The following CREB1 variants were observed in gnomAD, a reference collection of about 807,000 sequenced individuals.
The protein encoded by CREB1 is cAMP responsive element binding protein 1.
CREB1 carries 2 observed loss-of-function variants against 42.0 expected under a neutral mutation model. That is an observed-to-expected ratio of 0.05 (90% CI 0.02 to 0.15). The LOEUF (loss-of-function observed/expected upper bound fraction) is 0.15. Among genes scored for constraint, CREB1 ranks in the 10% least tolerant of loss-of-function variants. The probability of loss-of-function intolerance (pLI) is 1.00; values close to 1 mark genes in which losing one functional copy is unlikely to be tolerated. For synonymous variants in CREB1, 123 were observed against 139.9 expected (o/e 0.88, Z 0.85); for missense variants, 199 against 388.9 (o/e 0.51, Z 4.11).
intron 3 of CREB1, chr2:207,561,011 G>A (rs772665320): frequency 2.2e-5 from 21 of 943,172 alleles, no homozygotes; most frequent in African/African-American, 1.5e-4. Context: ...GTAGGGAACC[G>A]AGAGCAGTAT....
chr2:207,546,122 G>A (rs2081293930), intron 1 of CREB1, among the ~76,000 whole-genome samples: 1 of 152,194 alleles, frequency 6.6e-6, no homozygotes, highest in South Asian at 2.1e-4. Flanking sequence ...TATTAACTCT[G>A]ATACTTTACT....
At chr2:207,554,683 C>G (rs1293592372) in intron 1 of CREB1, among the ~76,000 whole-genome samples, 1 of 152,140 alleles carries the variant, frequency 6.6e-6, no homozygotes, top group Non-Finnish European at 1.5e-5. Flanking sequence ...ATACTAAGTG[C>G]TTAGCAAAGC....
At chr2:207,552,626 A>G (rs541056021) in intron 1 of CREB1, among the ~76,000 whole-genome samples, 168 of 136,896 alleles carry the variant, frequency 1.2e-3, no homozygotes, top group African/African-American at 4.4e-3. Flanking sequence ...TTTTTTTGGT[A>G]AGACAGTCTT....
Position 207,605,306 on chromosome 2 carries a change from T to G in CREB1, c.*8248T>G, listed in dbSNP as rs769317109. Among the ~76,000 whole-genome samples, 3 of 152,246 alleles carry G rather than the reference T, an allele frequency of 2.0e-5. No individual in the cohort carries two copies. Among genetic ancestry groups the G allele is most frequent in the Non-Finnish European group, 2.9e-5 (2 of 68,046 alleles). The stretch of plus-strand genomic sequence containing the variant: ...GTGGTTTTGATTTGCATTTCCCTGA[T>G]TACTAATGATGTGGAGCATCTTTTG... On this transcript the variant is annotated 3_prime_UTR_variant, in exon 8 of 8. Transcript: ENST00000353267.
intron 1 of CREB1, among the ~76,000 whole-genome samples, chr2:207,540,895 A>G (rs1002740983): frequency 2.0e-5 from 3 of 152,160 alleles, no homozygotes; most frequent in Non-Finnish European, 4.4e-5. Flanking sequence ...TTAATGTATT[A>G]CTGATGAAAG....
At position 207,605,626 on chromosome 2, in the gene CREB1, T is replaced by G. The variant is rs2087956599; in HGVS notation, c.*8568T>G. On this transcript the variant is annotated 3_prime_UTR_variant, in exon 8 of 8. Transcript: ENST00000353267. Reference sequence around the variant, plus strand: ...ATATACACAAATATAATGTATGTTCTCTCCTCCTCCCTCTCCCTTTTTTTA... The same window carrying G: ...ATATACACAAATATAATGTATGTTCGCTCCTCCTCCCTCTCCCTTTTTTTA... Among the ~76,000 whole-genome samples the G allele has an allele frequency of 6.6e-6, 1 of 152,226 alleles. No individual in the cohort carries two copies. The highest frequency in any genetic ancestry group is 1.5e-5 in the Non-Finnish European group (1 of 68,034).
intron 7 of CREB1, chr2:207,580,702 A>T (rs2082859146): frequency 9.0e-6 from 2 of 222,466 alleles, no homozygotes; most frequent in Non-Finnish European, 1.8e-5. Flanking sequence ...GAAAGTGTAG[A>T]CAGCTCTTCT....
At position 207,540,955 on chromosome 2, in the gene CREB1, C is replaced by T. The variant is rs1252463294; in HGVS notation, c.-9+10821C>T. Among the ~76,000 whole-genome samples, 52 of 152,114 alleles carry T rather than the reference C, an allele frequency of 3.4e-4. 1 individual carries two copies. Among genetic ancestry groups the T allele is most frequent in the Non-Finnish European group, 1.0e-4 (7 of 68,024 alleles). The stretch of plus-strand genomic sequence containing the variant: ...TGTAGCCTGGATGGGCACAGTGGCT[C>T]ACACCTGTAATCCCAGCACTTTGGG... On this transcript the variant is annotated intron_variant, in intron 1 of 7. Coordinates refer to ENST00000353267, the MANE Select transcript of CREB1 (RefSeq NM_004379.5).
chr2:207,569,831 G>C (rs1005421046), intron 4 of CREB1, among the ~76,000 whole-genome samples: 1 of 151,834 alleles, frequency 6.6e-6, no homozygotes, highest in Non-Finnish European at 1.5e-5. Context: ...ATCACATGAG[G>C]TCAGGAGTTC....
chr2:207,567,721 C>T, intron 4 of CREB1, 158 bp downstream of exon 4: 1 of 489,894 alleles, frequency 2.0e-6, no homozygotes, highest in Non-Finnish European at 3.7e-6. Context: ...GGAAGCTTAT[C>T]CTACAGAATA....
At chr2:207,556,582 G>A (rs527761145) in intron 2 of CREB1, among the ~76,000 whole-genome samples, 4 of 152,242 alleles carry the variant, frequency 2.6e-5, no homozygotes, top group Admixed American at 6.5e-5. Flanking sequence ...ACACTTGGGT[G>A]TCTGGCTGAG....
intron 1 of CREB1, among the ~76,000 whole-genome samples, chr2:207,554,972 G>T (rs1370735546): frequency 6.6e-6 from 1 of 152,132 alleles, no homozygotes; most frequent in Non-Finnish European, 1.5e-5. Flanking sequence ...CAGAGGCTGA[G>T]GCGGGAGGAT....
At chr2:207,594,467 T>A (rs2085724917) in intron 7 of CREB1, among the ~76,000 whole-genome samples, 1 of 152,206 alleles carries the variant, frequency 6.6e-6, no homozygotes, top group South Asian at 2.1e-4. Flanking sequence ...ATAAGAGAAA[T>A]TACACAATAT....
chr2:207,531,345 A>G lies in CREB1; in HGVS notation c.-9+1211A>G, dbSNP rs77719135. ...GATTGATTTAATACTACTACTAAAA[A>G]TAGACATTAAAGTATCCATTATTTG... On this transcript the variant is annotated intron_variant, in intron 1 of 7. Coordinates refer to ENST00000353267, the MANE Select transcript of CREB1 (RefSeq NM_004379.5). Among the ~76,000 whole-genome samples, 1,072 of 151,894 alleles carry G rather than the reference A, an allele frequency of 7.1e-3. 17 individuals are homozygous for G. The highest frequency in any genetic ancestry group is 0.025 in the African/African-American group (1,022 of 41,144).
At chr2:207,561,221 T>A (rs2081945459) in intron 3 of CREB1, 1 of 1,373,570 alleles carries the variant, frequency 7.3e-7, no homozygotes, top group Non-Finnish European at 1.0e-6. Context: ...GAGAAATTAT[T>A]CTTTATGTCT....
At chr2:207,538,855 G>A (rs2106357322) in intron 1 of CREB1, among the ~76,000 whole-genome samples, 1 of 152,162 alleles carries the variant, frequency 6.6e-6, no homozygotes, top group East Asian at 1.9e-4. Flanking sequence ...GTGAGTTTTT[G>A]GTTGTAACTG....
At chr2:207,591,764 CCTT>C (rs906080222) in intron 7 of CREB1, among the ~76,000 whole-genome samples, 27 of 152,182 alleles carry the variant, frequency 1.8e-4, no homozygotes, top group Middle Eastern at 3.4e-3. Context: ...TAATATATAT[CCTT>C]CTCCATCCTT....
At chr2:207,561,113 TCA>T in intron 3 of CREB1, 1 of 1,613,276 alleles carries the variant, frequency 6.2e-7, no homozygotes, top group Non-Finnish European at 8.5e-7. Flanking sequence ...ATTTTTTGCT[TCA>T]CAGTCTTCCT....
rs747790003 is a variant in CREB1 at position 207,575,306 on chromosome 2, T to C, written c.540T>C (p.Ala180=). The change falls in exon 6 of 8, where the codon GCT becomes GCC. Residue 180 remains alanine (A), a synonymous_variant. Transcript: ENST00000353267. ...CCCAGGGAGGAGCAATACAGCTGGC[T>C]AACAATGGTACCGATGGGGTACAGG... The part of the protein sequence containing the change: ...AITQGGAIQL[A]NNGTDGVQGL... 1 of 1,614,100 alleles carries C rather than the reference T, an allele frequency of 6.2e-7. No individual in the cohort carries two copies. The highest frequency in any genetic ancestry group is 8.5e-7 in the Non-Finnish European group (1 of 1,179,962).
Sources: gnomAD v4.1 joint callset for allele counts (sites outside exome capture counted in the v4.1 genomes callset) on GRCh38, gnomAD v4.1.1 for gene constraint, MANE v1.5 for transcripts, NCBI Gene and HGNC (gene_info 2026-07-23, HGNC 2026-07-21) for gene names.